The following LPAR1 variants were observed in gnomAD, a reference collection of about 807,000 sequenced individuals.
LPAR1 encodes LPA receptor 1.
In LPAR1, 5 loss-of-function variants were observed where a neutral mutation model predicts 23.8. The ratio of observed to expected loss-of-function variants is 0.21; its 90% CI spans 0.11 to 0.44. LPAR1 has a LOEUF of 0.44. Among genes scored for constraint, LPAR1 ranks in the 20% least tolerant of loss-of-function variants. The pLI is 0.99. For missense variants in LPAR1, 311 were observed against 482.8 expected, an observed-to-expected ratio of 0.64 and a Z score of 3.33; for synonymous variants, 160 against 164.7, an observed-to-expected ratio of 0.97 and a Z score of 0.22.
Position 110,942,122 on chromosome 9 carries a change from G to A in LPAR1, c.92C>T (p.Ala31Val). ...EPQCFYNESI[A>V]FFYNRSGKHL... Reference sequence around the variant, plus strand: ...CTTTCCACTTCGGTTATAAAAGAAGGCAATGGACTCGTTGTAGAAGCACTG... The same window carrying A: ...CTTTCCACTTCGGTTATAAAAGAAGACAATGGACTCGTTGTAGAAGCACTG... The change falls in exon 5 of 6, where the codon GCC (alanine) becomes GTC (valine). Residue 31 changes from alanine (A) to valine (V), a missense_variant. By Grantham distance (64) the Ala-to-Val change is moderately conservative. Around this residue, in one of 2 missense-constraint regions of LPAR1, gnomAD observed 61 missense variants for 55.6 expected, o/e 1.10. Transcript: ENST00000683809. The A allele has an allele frequency of 6.2e-7, 1 of 1,614,010 alleles. No individual in the cohort carries two copies. The highest frequency in any genetic ancestry group is 8.5e-7 in the Non-Finnish European group (1 of 1,179,926).
chr9:110,978,572 C>G (rs1038406601), intron 2 of LPAR1, among the ~76,000 whole-genome samples: 2 of 152,266 alleles, frequency 1.3e-5, no homozygotes, highest in Non-Finnish European at 2.9e-5. Flanking sequence ...GCCCTATAGT[C>G]TGATATAAAC....
Position 110,896,087 on chromosome 9 carries a change from T to C in LPAR1, c.794-20365A>G, listed in dbSNP as rs1433484112. ...AGCTGTAAACCAGTAAAGTGCTCGC[T>C]TCCAGTTTAGATCAGAGGGAGAAAT... On this transcript the variant is annotated intron_variant, in intron 5 of 5. Coordinates refer to ENST00000683809, the MANE Select transcript of LPAR1 (RefSeq NM_001351411.2). Among the ~76,000 whole-genome samples the C allele has an allele frequency of 2.0e-5, 3 of 152,336 alleles. No individual in the cohort carries two copies. The East Asian group carries it at 5.8e-4, about 29-fold the overall frequency.
At chr9:110,961,753 C>A (rs1379341909) in intron 4 of LPAR1, among the ~76,000 whole-genome samples, 1 of 151,904 alleles carries the variant, frequency 6.6e-6, no homozygotes, top group Admixed American at 6.6e-5. Context: ...TGGCCGCAGG[C>A]AAGAGAGTGT....
At chr9:111,015,817 T>G (rs182710506) in intron 2 of LPAR1, among the ~76,000 whole-genome samples, 6 of 151,958 alleles carry the variant, frequency 3.9e-5, no homozygotes, top group Admixed American at 6.6e-5. Flanking sequence ...CTGCAACTAT[T>G]TCTCCTGGGT....
Position 111,036,186 on chromosome 9 carries a change from G to C in LPAR1, c.-246C>G, listed in dbSNP as rs1473797002. The C allele has an allele frequency of 6.6e-6, 1 of 152,152 alleles. No homozygotes were observed. The highest frequency in any genetic ancestry group is 1.5e-5 in the Non-Finnish European group (1 of 68,050). The allele number at this position is 152,152 out of a possible 1,614,324, so 9.4% of individuals were successfully genotyped here. A position where few individuals can be genotyped will look rare whatever the true frequency, so the allele number is the denominator to read the frequency against. On this transcript the variant is annotated 5_prime_UTR_variant, in exon 2 of 6. Coordinates refer to ENST00000683809, the MANE Select transcript of LPAR1 (RefSeq NM_001351411.2). Reference sequence around the variant, plus strand: ...ATCCATGCTGAGTGCCCACAGACCTGGGCAGGAGCTGTTCCCTTGAGAGAC... The same window carrying C: ...ATCCATGCTGAGTGCCCACAGACCTCGGCAGGAGCTGTTCCCTTGAGAGAC...
chr9:110,945,814 A>G (rs1447006623), intron 4 of LPAR1, among the ~76,000 whole-genome samples: 1 of 152,146 alleles, frequency 6.6e-6, no homozygotes, highest in African/African-American at 2.4e-5. Context: ...TTCAAAAGCT[A>G]GTAATGACTA....
At chr9:111,005,546 C>CAAAAAAAAAAAA (rs60143050) in intron 2 of LPAR1, among the ~76,000 whole-genome samples, 14 of 70,342 alleles carry the variant, frequency 2.0e-4, no homozygotes, top group African/African-American at 9.6e-4. Flanking sequence ...GACCCTGTCT[C>CAAAAAAAAAAAA]AAAAAAAAAA....
chr9:110,878,073 T>C (rs1277971506), intron 5 of LPAR1, among the ~76,000 whole-genome samples: 1 of 152,192 alleles, frequency 6.6e-6, no homozygotes, highest in Non-Finnish European at 1.5e-5. Context: ...TATGTATGGA[T>C]GCTTCATTGA....
At chr9:111,037,238 T>C (rs936618934) in intron 1 of LPAR1, among the ~76,000 whole-genome samples, 3 of 152,216 alleles carry the variant, frequency 2.0e-5, no homozygotes, top group African/African-American at 7.2e-5. Context: ...TCAATATTTA[T>C]GTTTACCAAT....
intron 5 of LPAR1, among the ~76,000 whole-genome samples, chr9:110,891,137 T>C (rs1015358259): frequency 1.3e-5 from 2 of 152,122 alleles, no homozygotes; most frequent in Non-Finnish European, 2.9e-5. Context: ...TGCTTGTTAA[T>C]AGAAAAACTA....
chr9:110,971,001 G>A (rs1439795859), intron 4 of LPAR1, among the ~76,000 whole-genome samples: 3 of 152,154 alleles, frequency 2.0e-5, no homozygotes, highest in African/African-American at 4.8e-5. Flanking sequence ...TGGGCGTGGT[G>A]GCGGGCGCCT....
chr9:111,013,643 A>T (rs1448697764), intron 2 of LPAR1, among the ~76,000 whole-genome samples: 2 of 152,178 alleles, frequency 1.3e-5, no homozygotes, highest in South Asian at 4.1e-4. Flanking sequence ...GGATTGTTAG[A>T]TGGCATTTTT....
intron 2 of LPAR1, among the ~76,000 whole-genome samples, chr9:111,007,477 T>A (rs138559595): frequency 2.4e-4 from 36 of 152,230 alleles, no homozygotes; most frequent in Non-Finnish European, 4.3e-4. Context: ...TTGATAAACA[T>A]CCACAAGAAA....
chr9:110,897,744 G>C (rs72764220), intron 5 of LPAR1, among the ~76,000 whole-genome samples: 1 of 149,654 alleles, frequency 6.7e-6, no homozygotes, highest in Non-Finnish European at 1.5e-5. Flanking sequence ...ACTAATTCTA[G>C]AAAGATAGGG....
intron 5 of LPAR1, among the ~76,000 whole-genome samples, chr9:110,924,898 C>A (rs952398773): frequency 6.6e-6 from 1 of 152,198 alleles, no homozygotes; most frequent in East Asian, 1.9e-4. Context: ...ACTTTTGTCA[C>A]CTTTTGCCTT....
chr9:111,012,463 A>ACGTG (rs2097350310), intron 2 of LPAR1, among the ~76,000 whole-genome samples: 1 of 130,452 alleles, frequency 7.7e-6, no homozygotes, highest in Non-Finnish European at 1.7e-5. Context: ...GCATGTACGC[A>ACGTG]CGCGCGCACA....
chr9:110,879,486 T>C (rs2080122397), intron 5 of LPAR1, among the ~76,000 whole-genome samples: 1 of 148,292 alleles, frequency 6.7e-6, no homozygotes, highest in East Asian at 2.0e-4. Context: ...GAAACAGAAG[T>C]AGCAGAAGAT....
At chr9:110,946,814 T>C (rs1216948542) in intron 4 of LPAR1, among the ~76,000 whole-genome samples, 3 of 152,158 alleles carry the variant, frequency 2.0e-5, no homozygotes. Context: ...TGAAAGAAGC[T>C]ATACCTATTA....
chr9:110,881,490 C>T (rs906907693), intron 5 of LPAR1, among the ~76,000 whole-genome samples: 1 of 152,160 alleles, frequency 6.6e-6, no homozygotes, highest in Non-Finnish European at 1.5e-5. Context: ...TGCCTTCCCT[C>T]TGGTGTACTC....
Sources: gnomAD v4.1 joint callset for allele counts (sites outside exome capture counted in the v4.1 genomes callset) on GRCh38, gnomAD v4.1.1 for gene constraint, gnomAD v4.1.1 regional missense constraint, MANE v1.5 for transcripts, NCBI Gene and HGNC (gene_info 2026-07-23, HGNC 2026-07-21) for gene names.